MCUR1: variants seen among roughly 807,000 people sequenced by gnomAD.
MCUR1 encodes the protein MCU regulator 1.
MCUR1 carries 37 observed loss-of-function variants against 42.0 expected under a neutral mutation model. The observed-to-expected ratio is 0.88, with a 90% CI of 0.68 to 1.16. The LOEUF is 1.16. Ranked by LOEUF, MCUR1 falls within the 50% of genes most tolerant of loss-of-function variation. MCUR1 has a pLI of 0.00. For synonymous variants in MCUR1, 229 were observed against 196.2 expected, an observed-to-expected ratio of 1.17 and a Z score of -1.40; for missense variants, 469 against 468.4, an observed-to-expected ratio of 1.00 and a Z score of -0.01.
At position 13,814,514 on chromosome 6, in the gene MCUR1, C is replaced by A; in HGVS notation, c.-85G>T. On this transcript the variant is annotated 5_prime_UTR_variant, in exon 1 of 9. Coordinates refer to ENST00000379170, the MANE Select transcript of MCUR1 (RefSeq NM_001031713.4). ...CGCGCGGTCCAGGCCCAGAGTCCGA[C>A]AGCGGGAGCGAGCGTGGGCCACAGC... The A allele has an allele frequency of 7.5e-7, 1 of 1,324,872 alleles. No homozygotes were observed. Among genetic ancestry groups the A allele is most frequent in the Non-Finnish European group, 9.6e-7 (1 of 1,037,702 alleles). The allele number at this position is 1,324,872 out of a possible 1,614,324, so 82.1% of individuals were successfully genotyped here. A position where few individuals can be genotyped will look rare whatever the true frequency, so the allele number is the denominator to read the frequency against.
intron 1 of MCUR1, among the ~76,000 whole-genome samples, chr6:13,811,222 C>T (rs1432055862): frequency 2.0e-5 from 3 of 152,208 alleles, no homozygotes; most frequent in African/African-American, 4.8e-5. Context: ...GTAGCACTTA[C>T]TACATTATTT....
chr6:13,798,027 A>T (rs1276562712), intron 6 of MCUR1, among the ~76,000 whole-genome samples: 2 of 152,254 alleles, frequency 1.3e-5, no homozygotes, highest in Admixed American at 1.3e-4. Context: ...TGTCTCAAAA[A>T]AAACAAAAAT....
rs933235442 is a variant in MCUR1 at position 13,814,289 on chromosome 6, G to C, written c.141C>G (p.Asp47Glu). ...SARRCLSALS[D>E]GLGALRPRAP... ...CGCGAGGGCGCAGCGCCCCCAGACCGTCGGAGAGCGCAGAGAGGCAGCGGC... is the reference window on the plus strand; with the variant it reads ...CGCGAGGGCGCAGCGCCCCCAGACCCTCGGAGAGCGCAGAGAGGCAGCGGC... The change falls in exon 1 of 9, where the codon GAC becomes GAG. Residue 47 changes from aspartate to glutamate, a missense_variant. Asp to Glu is a conservative substitution (Grantham distance 45, BLOSUM62 2). Coordinates refer to ENST00000379170, the MANE Select transcript of MCUR1 (RefSeq NM_001031713.4). 6.7e-7 allele frequency: 1 copy of C among 1,498,638 alleles called. No individual in the cohort carries two copies. The allele number at this position is 1,498,638 out of a possible 1,614,324, so 92.8% of individuals were successfully genotyped here.
rs1292068724 is a variant in MCUR1, at chr6:13,814,419, C to A, written c.11G>T (p.Gly4Val). Residue 4 changes from glycine (G) to valine (V), a missense_variant, in exon 1 of 9, where the codon GGC becomes GTC. Coordinates refer to ENST00000379170, the MANE Select transcript of MCUR1 (RefSeq NM_001031713.4). MDC[G>V]SVGGQRTQRL... is the part of the protein sequence containing the mutation. ...CTGGGTCCTCTGGCCGCCGACCGAG[C>A]CGCAGTCCATCCCCGAGCAGTTCAC... 6.5e-7 allele frequency: 1 copy of A among 1,541,064 alleles called. No homozygotes were observed. Among genetic ancestry groups the A allele is most frequent in the Non-Finnish European group, 8.7e-7 (1 of 1,154,194 alleles).
At position 13,807,016 on chromosome 6, in the gene MCUR1, C is replaced by A; in HGVS notation, c.444G>T (p.Gln148His). The part of the protein sequence containing the change: ...RELSLSAGSL[Q>H]LERKRRDFTS... ...TGAAATCTCTCCTTTTGCGCTCCAG[C>A]TGCAGGGATCCAGCAGACAAGCTTA... Residue 148 changes from glutamine (Q) to histidine (H), a missense_variant, in exon 2 of 9, where the codon CAG becomes CAT. By Grantham distance (24) the Gln-to-His change is conservative. Coordinates refer to ENST00000379170, the MANE Select transcript of MCUR1 (RefSeq NM_001031713.4). The A allele has an allele frequency of 6.2e-7, 1 of 1,613,132 alleles. No individual in the cohort carries two copies. The highest frequency in any genetic ancestry group is 8.5e-7 in the Non-Finnish European group (1 of 1,179,308).
intron 8 of MCUR1, 38 bp from the exon 9 acceptor site, chr6:13,790,902 A>AT: frequency 6.8e-7 from 1 of 1,464,106 alleles, no homozygotes; most frequent in Non-Finnish European, 9.4e-7. Context: ...TATTAGTTCT[A>AT]TTAAGAGTTA....
chr6:13,797,900 G>A (rs116691156), intron 6 of MCUR1, among the ~76,000 whole-genome samples: 1,747 of 151,532 alleles, frequency 0.012, 38 homozygotes, highest in African/African-American at 0.039. Context: ...GGTGGCGTCT[G>A]TAATCCCAGC....
Position 13,790,758 on chromosome 6 carries a change from T to C in MCUR1, c.*51A>G. 1 of 1,465,972 alleles carries C rather than the reference T, an allele frequency of 6.8e-7. No individual in the cohort carries two copies. Among genetic ancestry groups the C allele is most frequent in the Non-Finnish European group, 9.5e-7 (1 of 1,053,556 alleles). The allele number at this position is 1,465,972 out of a possible 1,614,324, so 90.8% of individuals were successfully genotyped here. A position where few individuals can be genotyped will look rare whatever the true frequency, so the allele number is the denominator to read the frequency against. ...GTGAGCCACCGCACCCAGCCAACAA[T>C]CTGGTATTCTTAAGGCAAAACAGTA... On this transcript the variant is annotated 3_prime_UTR_variant, in exon 9 of 9. Coordinates refer to ENST00000379170, the MANE Select transcript of MCUR1 (RefSeq NM_001031713.4).
In MCUR1 at chr6:13,801,440, C is replaced by T. The variant is rs765448670; in HGVS notation, c.640-51G>A. 8 of 1,283,112 alleles carry T rather than the reference C, an allele frequency of 6.2e-6. 1 individual carries two copies. The highest frequency in any genetic ancestry group is 5.6e-6 in the Non-Finnish European group (5 of 893,568). The allele number at this position is 1,283,112 out of a possible 1,614,324, so 79.5% of individuals were successfully genotyped here. A position where few individuals can be genotyped will look rare whatever the true frequency, so the allele number is the denominator to read the frequency against. ...AATCTAGTCTACCCTAAAAAGTCCA[C>T]TTCCTATCATCTCAATGTGCTATCT... is the stretch of plus-strand genomic sequence containing the variant. On this transcript the variant is annotated intron_variant, in intron 3 of 8. Coordinates refer to ENST00000379170, the MANE Select transcript of MCUR1 (RefSeq NM_001031713.4).
Position 13,814,173 on chromosome 6 carries a change from C to T in MCUR1, c.257G>A (p.Arg86His), listed in dbSNP as rs1234608632. The T allele has an allele frequency of 4.5e-6, 6 of 1,342,120 alleles. No individual in the cohort carries two copies. Among genetic ancestry groups the T allele is most frequent in the Non-Finnish European group, 3.8e-6 (4 of 1,054,480 alleles). The allele number at this position is 1,342,120 out of a possible 1,614,324, so 83.1% of individuals were successfully genotyped here. Residue 86 changes from arginine to histidine, a missense_variant, in exon 1 of 9, where the codon CGC (arginine) becomes CAC (histidine). Physicochemically the swap from Arg to His is conservative, Grantham distance 29 (BLOSUM62 0). Coordinates refer to ENST00000379170, the MANE Select transcript of MCUR1 (RefSeq NM_001031713.4). ...GCGCTCCCAGTCCCCGAGCTGCCGG[C>T]GCGGGGCTGCGGCGGCCAAGCGCGG... ...PSPRLAAAAP[R>H]RQLGDWERSR...
At chr6:13,794,300 T>C (rs1759806446) in intron 6 of MCUR1, among the ~76,000 whole-genome samples, 1 of 152,138 alleles carries the variant, frequency 6.6e-6, no homozygotes, top group South Asian at 2.1e-4. Context: ...TGGATTTCCT[T>C]AGTCATCTGT....
intron 6 of MCUR1, among the ~76,000 whole-genome samples, chr6:13,795,121 T>TA (rs1392137160): frequency 3.9e-3 from 402 of 104,364 alleles, no homozygotes; most frequent in African/African-American, 0.013. Flanking sequence ...AGCTTAGAAG[T>TA]AGAAAAAAAA....
intron 2 of MCUR1, among the ~76,000 whole-genome samples, chr6:13,802,556 G>T (rs1254483020): frequency 6.6e-6 from 1 of 152,138 alleles, no homozygotes; most frequent in Non-Finnish European, 1.5e-5. Context: ...GGTACCGGTG[G>T]CTTTGCTGAC....
At chr6:13,793,036 C>T (rs553983166) in intron 7 of MCUR1, among the ~76,000 whole-genome samples, 31 of 148,972 alleles carry the variant, frequency 2.1e-4, no homozygotes, top group African/African-American at 7.2e-4. Context: ...GTGGTCCCAG[C>T]TACTCTACAG....
At chr6:13,791,714 T>C (rs1759730693) in intron 8 of MCUR1, among the ~76,000 whole-genome samples, 164 bp downstream of exon 8, 1 of 152,232 alleles carries the variant, frequency 6.6e-6, no homozygotes, top group Admixed American at 6.5e-5. Context: ...CCAATTAAAC[T>C]ATGATACTTC....
At chr6:13,796,316 C>G (rs1759854830) in intron 6 of MCUR1, among the ~76,000 whole-genome samples, 1 of 142,694 alleles carries the variant, frequency 7.0e-6, no homozygotes. Context: ...GAGACAGGGT[C>G]TCACTCTGTC....
intron 6 of MCUR1, among the ~76,000 whole-genome samples, chr6:13,795,983 A>G (rs967710279): frequency 2.0e-5 from 3 of 152,222 alleles, no homozygotes; most frequent in African/African-American, 7.2e-5. Context: ...CATGTAGAAA[A>G]AGTTACTATC....
Position 13,789,841 on chromosome 6 carries a change from A to G in MCUR1, c.*968T>C, listed in dbSNP as rs918633331. 1 of 152,148 alleles carries G rather than the reference A, an allele frequency of 6.6e-6. No homozygotes were observed. The highest frequency in any genetic ancestry group is 1.5e-5 in the Non-Finnish European group (1 of 68,028). The allele number at this position is 152,148 out of a possible 1,614,324, so 9.4% of individuals were successfully genotyped here. A position where few individuals can be genotyped will look rare whatever the true frequency, so the allele number is the denominator to read the frequency against. On this transcript the variant is annotated 3_prime_UTR_variant, in exon 9 of 9. Transcript: ENST00000379170. ...GATGGAGAAGAGGGAGGGAGGAGGG[A>G]AAATCTTGCATTCTAAGAGGTAAGA... is the stretch of plus-strand genomic sequence containing the variant.
Position 13,814,218 on chromosome 6 carries a change from A to T in MCUR1, c.212T>A (p.Leu71His), listed in dbSNP as rs970993547. Residue 71 changes from leucine to histidine, a missense_variant, in exon 1 of 9, where the codon CTC (leucine) becomes CAC (histidine). Leu to His is a moderately conservative substitution (Grantham distance 99, BLOSUM62 -3). Transcript: ENST00000379170. ...GCGCGGGGAGGGCACTAGCAGGAGG[A>T]GGAGCAGCGGTGAGGCACGTGACAC... ...GGVSRASPLLLLLLVPSPRLA... is the reference protein window; with the variant it reads ...GGVSRASPLLHLLLVPSPRLA... The T allele has an allele frequency of 3.4e-6, 5 of 1,457,108 alleles. No individual in the cohort carries two copies. Among genetic ancestry groups the T allele is most frequent in the Admixed American group, 2.6e-5 (1 of 38,366 alleles). 90.3% of individuals were successfully genotyped at this position (1,457,108 alleles called of 1,614,324 possible). A position where few individuals can be genotyped will look rare whatever the true frequency, so the allele number is the denominator to read the frequency against.
Sources: allele counts gnomAD v4.1 joint callset (sites outside exome capture counted in the v4.1 genomes callset), GRCh38; gene constraint gnomAD v4.1.1; transcripts MANE v1.5; gene names NCBI Gene and HGNC (gene_info 2026-07-23, HGNC 2026-07-21).